The following MAX variants were observed in gnomAD, a reference collection of about 807,000 sequenced individuals.
MAX encodes protein max.
A neutral mutation model predicts 22.3 loss-of-function variants in MAX; 3 were observed. That is an observed-to-expected ratio of 0.13 (90% confidence interval 0.06 to 0.35). The LOEUF (loss-of-function observed/expected upper bound fraction) is 0.35. Ranked by LOEUF, MAX falls within the 10% of genes least tolerant of loss-of-function variation. The probability of loss-of-function intolerance (pLI) is 1.00; values close to 1 mark genes in which losing one functional copy is unlikely to be tolerated. For synonymous variants in MAX, 72 were observed against 77.7 expected, an observed-to-expected ratio of 0.93 and a Z score of 0.39; for missense variants, 119 against 209.4, an observed-to-expected ratio of 0.57 and a Z score of 2.66.
intron 3 of MAX, among the ~76,000 whole-genome samples, chr14:65,091,250 T>C (rs938400252): frequency 6.6e-6 from 1 of 152,334 alleles, no homozygotes; most frequent in East Asian, 1.9e-4. Context: ...CTGATAAGTC[T>C]AAGGGACCAA....
At position 65,084,057 on chromosome 14, in the gene MAX, G is replaced by A. The variant is rs2063262288; in HGVS notation, c.172-6021C>T. The A allele has an allele frequency of 6.3e-7, 1 of 1,594,828 alleles. No individual in the cohort carries two copies. The highest frequency in any genetic ancestry group is 1.1e-5 in the South Asian group (1 of 89,942). ...GCTCCTTGAAGGCTTCCTGCTGCCA[G>A]GGCCTCCCCAGCCACAGGACCATTT... On this transcript the variant is annotated intron_variant, in intron 3 of 4. Transcript: ENST00000358664. This position sits in a 1 kb window ranked among gnomAD's most constrained non-coding sequence, Gnocchi z 4.3.
At chr14:65,066,794 A>G (rs2062934688) in intron 3 of MAX, among the ~76,000 whole-genome samples, 1 of 149,474 alleles carries the variant, frequency 6.7e-6, no homozygotes, top group Non-Finnish European at 1.5e-5. Flanking sequence ...CCCAGGAGGC[A>G]GAGGTTGTGG....
intron 3 of MAX, chr14:65,091,967 T>A (rs1165055121): frequency 6.6e-6 from 1 of 152,150 alleles, no homozygotes; most frequent in Non-Finnish European, 1.5e-5. Context: ...AGTAAATAAA[T>A]GAGCCACAAC....
At chr14:65,067,212 A>T (rs1230947271) in intron 3 of MAX, among the ~76,000 whole-genome samples, 2 of 152,050 alleles carry the variant, frequency 1.3e-5, no homozygotes, top group Non-Finnish European at 2.9e-5. Flanking sequence ...ATTTTAAAAA[A>T]TAAACATTTT....
intron 3 of MAX, chr14:65,090,465 C>T (rs2063471535): frequency 1.3e-5 from 2 of 152,082 alleles, no homozygotes; most frequent in East Asian, 3.8e-4. Flanking sequence ...CATTGCAATA[C>T]AATGTCAATT....
intron 2 of MAX, among the ~76,000 whole-genome samples, chr14:65,099,066 G>A (rs570897071): frequency 6.6e-6 from 1 of 152,018 alleles, no homozygotes; most frequent in African/African-American, 2.4e-5. Context: ...CAAAACTTAA[G>A]AATAGCTCCC....
intron 2 of MAX, among the ~76,000 whole-genome samples, chr14:65,095,642 G>A (rs953087506): frequency 6.6e-6 from 1 of 152,052 alleles, no homozygotes; most frequent in African/African-American, 2.4e-5. Context: ...ATGTGTCTGC[G>A]GCTCCTGTTT....
rs1024045640 is a variant in MAX, at chr14:65,069,891, C to T, written c.171+23817G>A. Among the ~76,000 whole-genome samples, 5 of 152,214 alleles carry T rather than the reference C, an allele frequency of 3.3e-5. No homozygotes were observed. Among genetic ancestry groups the T allele is most frequent in the East Asian group, 1.9e-4 (1 of 5,200 alleles). On this transcript the variant is annotated intron_variant, in intron 3 of 3. Coordinates refer to the MAX transcript ENST00000341653. The surrounding 1 kb of genome is among the most constrained non-coding windows in gnomAD (Gnocchi z 4.6). ...CTACAGCCTTGCTGCAGTAGGTATT[C>T]GCTGTGGACATGACATTCCTCCTCT...
intron 1 of MAX, 87 bp downstream of exon 1, chr14:65,102,217 C>T (rs957463484): frequency 6.9e-6 from 11 of 1,584,958 alleles, no homozygotes; most frequent in Non-Finnish European, 9.4e-6. Flanking sequence ...GGCAGCCCGG[C>T]CCCCTCCCGC....
At chr14:65,046,527 C>A (rs950107468) in intron 3 of MAX, among the ~76,000 whole-genome samples, 2 of 152,154 alleles carry the variant, frequency 1.3e-5, no homozygotes, top group African/African-American at 4.8e-5. Context: ...TAGTGGCATT[C>A]AAAGCTTTGT....
chr14:65,045,636 G>T (rs751159175), intron 3 of MAX, among the ~76,000 whole-genome samples: 1 of 152,140 alleles, frequency 6.6e-6, no homozygotes, highest in Non-Finnish European at 1.5e-5. Context: ...GGCTGTTCTT[G>T]AACTCCTTAC....
At position 65,015,701 on chromosome 14, in the gene MAX, A is replaced by G. The variant is rs1422160189; in HGVS notation, c.172-9417T>C. On this transcript the variant is annotated intron_variant, in intron 3 of 3. Coordinates refer to the MAX transcript ENST00000341653. ...GAACTGCTAGATGAACCCATCCCCC[A>G]GATAGTGGCTACAGAGTGAGTCTGT... is the stretch of plus-strand genomic sequence containing the variant. The G allele has an allele frequency of 1.9e-6, 3 of 1,613,980 alleles. No homozygotes were observed. In the African/African-American group the frequency reaches 4.0e-5, roughly 22 times the overall value.
intron 3 of MAX, among the ~76,000 whole-genome samples, chr14:65,045,220 C>T (rs2062448869): frequency 6.6e-6 from 1 of 152,034 alleles, no homozygotes; most frequent in African/African-American, 2.4e-5. Flanking sequence ...TCTGAGTAGA[C>T]CTGTGGGAGA....
chr14:65,044,240 C>T lies in MAX; in HGVS notation c.172-37956G>A. The T allele has an allele frequency of 6.2e-7, 1 of 1,607,740 alleles. No homozygotes were observed. Among genetic ancestry groups the T allele is most frequent in the South Asian group, 1.1e-5 (1 of 90,022 alleles). On this transcript the variant is annotated intron_variant, in intron 3 of 3. Transcript: ENST00000341653. The surrounding 1 kb of genome is among the most constrained non-coding windows in gnomAD (Gnocchi z 5.5). ...AACCCTCCATCCCACAGATTGACTC[C>T]TGGAGATTCTGTCGGGCTGGATTTT...
intron 3 of MAX, among the ~76,000 whole-genome samples, chr14:65,037,402 C>CTTTTTTTTTTTTTT (rs765037575): frequency 2.8e-3 from 41 of 14,530 alleles, no homozygotes; most frequent in Admixed American, 5.0e-3. Context: ...CACGCCGGGC[C>CTTTTTTTTTTTTTT]CTTTTTTTTT....
In MAX at chr14:65,044,551, A is replaced by T; in HGVS notation, c.172-38267T>A. ...AGAGGGGTTGAAATGAGCTCTGTCTATCCTGGATTTTGAGTGCCCAGTGTG... is the reference window on the plus strand; with the variant it reads ...AGAGGGGTTGAAATGAGCTCTGTCTTTCCTGGATTTTGAGTGCCCAGTGTG... On this transcript the variant is annotated intron_variant, in intron 3 of 3. Transcript: ENST00000341653. This position sits in a 1 kb window ranked among gnomAD's most constrained non-coding sequence, Gnocchi z 5.5. 2 of 1,481,786 alleles carry T rather than the reference A, an allele frequency of 1.3e-6. No individual in the cohort carries two copies. The highest frequency in any genetic ancestry group is 1.8e-6 in the Non-Finnish European group (2 of 1,118,820). 91.8% of individuals were successfully genotyped at this position (1,481,786 alleles called of 1,614,324 possible). A position where few individuals can be genotyped will look rare whatever the true frequency, so the allele number is the denominator to read the frequency against.
chr14:65,022,284 G>GT (rs34044534), intron 3 of MAX, among the ~76,000 whole-genome samples: 43,658 of 143,910 alleles, frequency 0.3, 6,458 homozygotes, highest in Non-Finnish European at 0.35. Flanking sequence ...CTTTTTTTCT[G>GT]TTTTTTTTTT....
chr14:65,016,917 G>A (rs917796414), intron 3 of MAX, among the ~76,000 whole-genome samples: 51 of 130,190 alleles, frequency 3.9e-4, no homozygotes, highest in Non-Finnish European at 7.2e-4. Context: ...AAAGGCCCAC[G>A]TGGTTTTTTT....
In MAX at chr14:65,069,665, T is replaced by C. The variant is rs375609978; in HGVS notation, c.171+24043A>G. Among the ~76,000 whole-genome samples the C allele has an allele frequency of 6.6e-5, 10 of 152,280 alleles. No homozygotes were observed. In the East Asian group the frequency reaches 1.4e-3, roughly 21 times the overall value. On this transcript the variant is annotated intron_variant, in intron 3 of 3. Transcript: ENST00000341653. This position sits in a 1 kb window ranked among gnomAD's most constrained non-coding sequence, Gnocchi z 4.6. ...GCTGGAGTCCACTGGCACACGCACA[T>C]ATGCATGCAGCATTTGTAGAGTACC... is the stretch of plus-strand genomic sequence containing the variant.
Sources: gnomAD v4.1 joint callset for allele counts (sites outside exome capture counted in the v4.1 genomes callset) on GRCh38, gnomAD v4.1.1 for gene constraint, Gnocchi (gnomAD v3.1) non-coding constraint, MANE v1.5 for transcripts, NCBI Gene and HGNC (gene_info 2026-07-23, HGNC 2026-07-21) for gene names.